RIDA: variants seen among roughly 807,000 people sequenced by gnomAD.
RIDA encodes reactive intermediate imine deaminase A.
In RIDA, 17 loss-of-function variants were observed where a neutral mutation model predicts 17.8. The ratio of observed to expected loss-of-function variants is 0.96; its 90% CI spans 0.65 to 1.43. RIDA has a LOEUF of 1.43. Among genes scored for constraint, RIDA ranks in the 40% most tolerant of loss-of-function variants. The pLI, the probability that RIDA is intolerant of heterozygous loss-of-function variation, is 0.00. For synonymous variants in RIDA, 48 were observed against 55.7 expected, an observed-to-expected ratio of 0.86 and a Z score of 0.62; for missense variants, 158 against 161.7, an observed-to-expected ratio of 0.98 and a Z score of 0.12.
In RIDA at chr8:98,108,651, T is replaced by C; in HGVS notation, c.166A>G (p.Lys56Glu). 1 of 1,602,488 alleles carries C rather than the reference T, an allele frequency of 6.2e-7. No individual in the cohort carries two copies. The highest frequency in any genetic ancestry group is 1.1e-5 in the South Asian group (1 of 90,834). Residue 56 changes from lysine (K) to glutamate (E), a missense_variant, in exon 2 of 6, where the codon AAA becomes GAA. Transcript: ENST00000254878. ...LVSGGVAEEAKQALKNMGEIL... is the reference protein window; with the variant it reads ...LVSGGVAEEAEQALKNMGEIL... ...AAATGTGGAAAATAACTTACTTGTT[T>C]AGCTTCTTCTGCTACCCCTCCTGAC...
chr8:98,107,583 T>C (rs1241548734), intron 2 of RIDA, among the ~76,000 whole-genome samples: 1 of 152,094 alleles, frequency 6.6e-6, no homozygotes, highest in Non-Finnish European at 1.5e-5. Context: ...TGCAGTAAAT[T>C]ATAGTTTATT....
chr8:98,102,961 T>TAATA, intron 5 of RIDA, 57 bp from the exon 6 acceptor site: 1 of 1,197,480 alleles, frequency 8.4e-7, no homozygotes, highest in Admixed American at 1.9e-5. Flanking sequence ...GCAAACTCTA[T>TAATA]AATACCTACT....
At chr8:98,106,037 A>G (rs374246771) in intron 3 of RIDA, 31 bp from the exon 4 acceptor site, 1 of 1,505,526 alleles carries the variant, frequency 6.6e-7, no homozygotes, top group African/African-American at 1.4e-5. Flanking sequence ...CATTAGGTTT[A>G]GTTATTTGGT....
At chr8:98,106,165 T>G in intron 3 of RIDA, 107 bp downstream of exon 3, 1 of 1,217,636 alleles carries the variant, frequency 8.2e-7, no homozygotes, top group Non-Finnish European at 1.2e-6. Context: ...AAACAACTTT[T>G]AAATAGCAAC....
At chr8:98,103,973 A>C (rs2045800) in intron 5 of RIDA, among the ~76,000 whole-genome samples, 55,972 of 151,250 alleles carry the variant, frequency 0.37, 10,942 homozygotes, top group East Asian at 0.56. Flanking sequence ...TTCTGATTCT[A>C]TGTTCATGTG....
At chr8:98,105,189 G>T (rs1349193307) in intron 4 of RIDA, among the ~76,000 whole-genome samples, 1 of 145,900 alleles carries the variant, frequency 6.9e-6, no homozygotes, top group Non-Finnish European at 1.5e-5. Context: ...TGTGAATGGA[G>T]TTTTGTTTTT....
chr8:98,115,148 GA>G (rs1169147637), intron 1 of RIDA, among the ~76,000 whole-genome samples: 1 of 152,078 alleles, frequency 6.6e-6, no homozygotes, highest in African/African-American at 2.4e-5. Flanking sequence ...AGTACTTTGG[GA>G]AGCCGAGGTA....
chr8:98,109,966 G>C (rs2927370), intron 1 of RIDA, among the ~76,000 whole-genome samples: 91,212 of 151,990 alleles, frequency 0.6, 27,575 homozygotes, highest in African/African-American at 0.66. Context: ...TGTCCAAAGA[G>C]TTTACGTGAA....
intron 1 of RIDA, among the ~76,000 whole-genome samples, chr8:98,115,680 A>G (rs1356516721): frequency 2.6e-5 from 4 of 152,082 alleles, no homozygotes; most frequent in African/African-American, 9.7e-5. Flanking sequence ...CGTGAACCAC[A>G]GTACCCGGCT....
intron 4 of RIDA, 106 bp from the exon 5 acceptor site, chr8:98,104,650 T>C (rs1441286258): frequency 1.5e-6 from 1 of 679,420 alleles, no homozygotes; most frequent in African/African-American, 1.8e-5. Context: ...TTATTCAATA[T>C]CTACAATTAA....
rs765774426 is a variant in RIDA at position 98,104,556 on chromosome 8, A to G, written c.296-12T>C. 1 of 1,531,286 alleles carries G rather than the reference A, an allele frequency of 6.5e-7. No individual in the cohort carries two copies. The allele number at this position is 1,531,286 out of a possible 1,614,324, so 94.9% of individuals were successfully genotyped here. A position where few individuals can be genotyped will look rare whatever the true frequency, so the allele number is the denominator to read the frequency against. ...ATTACTCTTGAAATCTGAATTTAAA[A>G]GAATTTCATTTTTTTAATAGAGAAG... On this transcript the variant is annotated splice_polypyrimidine_tract_variant and intron_variant, in intron 4 of 5. Coordinates refer to ENST00000254878, the MANE Select transcript of RIDA (RefSeq NM_005836.3).
rs1815606330 is a variant in RIDA, at chr8:98,104,434, GAA to G, written c.351+53_351+54del. 1.5e-5 allele frequency: 17 copies of G among 1,113,236 alleles called. 1 individual carries two copies. In the South Asian group the frequency reaches 2.0e-4, roughly 13 times the overall value. The allele number at this position is 1,113,236 out of a possible 1,614,324, so 69.0% of individuals were successfully genotyped here. ...ACAGTGCTTAGTTTACTTATAGAAG[GAA>G]AACAATGTAGAAACTGAAAACTGTG... On this transcript the variant is annotated intron_variant, in intron 5 of 5. Coordinates refer to ENST00000254878, the MANE Select transcript of RIDA (RefSeq NM_005836.3).
At chr8:98,107,776 A>T (rs200034054) in intron 2 of RIDA, among the ~76,000 whole-genome samples, 7 of 148,748 alleles carry the variant, frequency 4.7e-5, no homozygotes, top group East Asian at 4.1e-4. Context: ...TTTTTTTTCT[A>T]TTTTTTTTTT....
chr8:98,106,508 T>C (rs1815634663), intron 2 of RIDA, 182 bp from the exon 3 acceptor site: 1 of 549,230 alleles, frequency 1.8e-6, no homozygotes, highest in African/African-American at 1.9e-5. Context: ...TTCTGATATA[T>C]GGTGAAAATG....
At chr8:98,109,882 G>T (rs1463127892) in intron 1 of RIDA, among the ~76,000 whole-genome samples, 1 of 152,182 alleles carries the variant, frequency 6.6e-6, no homozygotes, top group Non-Finnish European at 1.5e-5. Context: ...CTCCCAAAGT[G>T]CTGGGATTAC....
chr8:98,113,253 G>A (rs540455244), intron 1 of RIDA, among the ~76,000 whole-genome samples: 1 of 152,292 alleles, frequency 6.6e-6, no homozygotes, highest in East Asian at 1.9e-4. Context: ...GAGCTGATTG[G>A]CTAATTAGTG....
At position 98,108,767 on chromosome 8, in the gene RIDA, A is replaced by C. The variant is rs571725981; in HGVS notation, c.66-16T>G. Reference sequence around the variant, plus strand: ...TACAGCTTGACTGCAATAAACAGAAAGCTAGTGTATTTATGTAAGTATAAA... The same window carrying C: ...TACAGCTTGACTGCAATAAACAGAACGCTAGTGTATTTATGTAAGTATAAA... On this transcript the variant is annotated splice_polypyrimidine_tract_variant and intron_variant, in intron 1 of 5. Coordinates refer to ENST00000254878, the MANE Select transcript of RIDA (RefSeq NM_005836.3). The C allele has an allele frequency of 6.8e-5, 102 of 1,496,812 alleles. No individual in the cohort carries two copies. In the East Asian group the frequency reaches 1.7e-3, roughly 25 times the overall value. 92.7% of individuals were successfully genotyped at this position (1,496,812 alleles called of 1,614,324 possible). A position where few individuals can be genotyped will look rare whatever the true frequency, so the allele number is the denominator to read the frequency against.
chr8:98,107,381 AG>A (rs1815646564), intron 2 of RIDA, among the ~76,000 whole-genome samples: 1 of 151,990 alleles, frequency 6.6e-6, no homozygotes, highest in African/African-American at 2.4e-5. Context: ...AAAATAAGCC[AG>A]GTGTGGTGGC....
intron 1 of RIDA, among the ~76,000 whole-genome samples, chr8:98,114,907 C>G (rs1197174073): frequency 6.6e-6 from 1 of 150,908 alleles, no homozygotes; most frequent in East Asian, 1.9e-4. Context: ...TTTTTTCAAT[C>G]TACACCAGGG....
Sources: gnomAD v4.1 joint callset for allele counts (sites outside exome capture counted in the v4.1 genomes callset) on GRCh38, gnomAD v4.1.1 for gene constraint, MANE v1.5 for transcripts, NCBI Gene and HGNC (gene_info 2026-07-23, HGNC 2026-07-21) for gene names.